CACNA1S: variants seen among roughly 807,000 people sequenced by gnomAD.
CACNA1S encodes voltage-dependent L-type calcium channel subunit alpha-1S.
In CACNA1S, 126 loss-of-function variants were observed where a neutral mutation model predicts 207.4. The observed-to-expected ratio is 0.61, with a 90% CI of 0.53 to 0.70. The LOEUF (loss-of-function observed/expected upper bound fraction) is 0.70. CACNA1S is among the 30% of genes least tolerant of loss of function. The pLI is 0.00. For missense variants in CACNA1S, 2,349 were observed against 2,422.8 expected, an observed-to-expected ratio of 0.97 and a Z score of 0.64; for synonymous variants, 960 against 932.7, an observed-to-expected ratio of 1.03 and a Z score of -0.53.
chr1:201,049,915 G>T (rs753352648), intron 34 of CACNA1S, among the ~76,000 whole-genome samples: 19 of 152,214 alleles, frequency 1.2e-4, no homozygotes, highest in Non-Finnish European at 2.4e-4. Context: ...ACCATCGGGA[G>T]ATGCCTATTT....
At chr1:201,101,947 G>A (rs80092188) in intron 2 of CACNA1S, among the ~76,000 whole-genome samples, 2,158 of 152,026 alleles carry the variant, frequency 0.014, 34 homozygotes, top group African/African-American at 0.039. Context: ...ATCAGCATAT[G>A]TTGAGATGAA....
At chr1:201,086,156 A>G (rs545287937) in intron 7 of CACNA1S, among the ~76,000 whole-genome samples, 4 of 152,240 alleles carry the variant, frequency 2.6e-5, no homozygotes, top group African/African-American at 9.6e-5. Context: ...GCACAGGGGT[A>G]GTCTCTGAGG....
In CACNA1S at chr1:201,089,448, A is replaced by G. The variant is rs1662153397; in HGVS notation, c.710T>C (p.Val237Ala). 2.5e-6 allele frequency: 4 copies of G among 1,613,844 alleles called. No homozygotes were observed. Among genetic ancestry groups the G allele is most frequent in the Non-Finnish European group, 3.4e-6 (4 of 1,180,008 alleles). Residue 237 changes from valine (V) to alanine (A), a missense_variant, in exon 6 of 44, where the codon GTG becomes GCG. Val to Ala is a moderately conservative substitution (Grantham distance 64). Transcript: ENST00000362061. ...YFIGTDIVATVENEEPSPCAR... is the reference protein window; with the variant it reads ...YFIGTDIVATAENEEPSPCAR... The stretch of plus-strand genomic sequence containing the variant: ...GCAGGGCGATGGCTCTTCATTCTCC[A>G]CCGTGGCCACGATATCTGGAGGCAG...
chr1:201,041,752 C>T (rs1660230045), intron 40 of CACNA1S, 163 bp from the exon 41 acceptor site: 1 of 690,458 alleles, frequency 1.4e-6, no homozygotes. Flanking sequence ...TGTGCCCCAG[C>T]CAGCCCTGAC....
intron 32 of CACNA1S, among the ~76,000 whole-genome samples, chr1:201,051,687 C>T (rs1326527448): frequency 6.6e-6 from 1 of 152,248 alleles, no homozygotes. Flanking sequence ...TAGATAACCT[C>T]CCTCCACCTC....
At chr1:201,095,911 AG>A (rs1018519767) in intron 2 of CACNA1S, among the ~76,000 whole-genome samples, 12 of 152,222 alleles carry the variant, frequency 7.9e-5, no homozygotes, top group African/African-American at 2.9e-4. Context: ...TCTGTAGGAC[AG>A]GTTTCCTGGG....
In CACNA1S at chr1:201,069,574, G is replaced by A; in HGVS notation, c.2388C>T (p.Val796=). The change falls in exon 18 of 44, where the codon GTC becomes GTT. Residue 796 remains valine, a synonymous_variant. Transcript: ENST00000362061. ...TGAAGTTGGTAAACCAGGTGGCATT[G>A]ACGATGCGGTGACACAGGACACGGA... The part of the protein sequence containing the change: ...NKIRVLCHRI[V]NATWFTNFIL... 6.4e-7 allele frequency: 1 copy of A among 1,562,670 alleles called. No individual in the cohort carries two copies. The highest frequency in any genetic ancestry group is 1.2e-5 in the South Asian group (1 of 84,864).
At chr1:201,052,749 A>C (rs917536132) in intron 31 of CACNA1S, 101 bp from the exon 32 acceptor site, 2 of 966,518 alleles carry the variant, frequency 2.1e-6, no homozygotes, top group Non-Finnish European at 1.7e-6. Context: ...CTTCGCCCCT[A>C]CTTCCCCAAA....
intron 2 of CACNA1S, among the ~76,000 whole-genome samples, chr1:201,107,802 C>T (rs1253461121): frequency 6.6e-6 from 1 of 152,170 alleles, no homozygotes; most frequent in Non-Finnish European, 1.5e-5. Flanking sequence ...GCTGAGCGAC[C>T]TTGGGTATCA....
At chr1:201,106,737 C>T (rs1055669825) in intron 2 of CACNA1S, among the ~76,000 whole-genome samples, 1 of 152,212 alleles carries the variant, frequency 6.6e-6, no homozygotes, top group African/African-American at 2.4e-5. Flanking sequence ...ATCCTGTGCC[C>T]TGGCCAGAGG....
chr1:201,086,320 A>G (rs1159874973), intron 7 of CACNA1S, among the ~76,000 whole-genome samples: 2 of 152,244 alleles, frequency 1.3e-5, no homozygotes, highest in South Asian at 4.1e-4. Flanking sequence ...ATAATGTGAA[A>G]TGCACAAAAT....
At chr1:201,050,729 CT>C (rs747225903) in intron 33 of CACNA1S, among the ~76,000 whole-genome samples, 8 of 151,998 alleles carry the variant, frequency 5.3e-5, no homozygotes, top group Non-Finnish European at 1.0e-4. Context: ...TGCTAAATTC[CT>C]TTTGATGAGT....
intron 18 of CACNA1S, 36 bp from the exon 19 acceptor site, chr1:201,069,232 A>T (rs1430669283): frequency 4.4e-6 from 7 of 1,591,866 alleles, no homozygotes; most frequent in Non-Finnish European, 5.2e-6. Context: ...AGCCAGTGAG[A>T]GGAGGAGGGG....
rs1451944290 is a variant in CACNA1S at position 201,044,421 on chromosome 1, G to A, written c.4704C>T (p.Pro1568=). The A allele has an allele frequency of 7.4e-6, 12 of 1,613,166 alleles. No homozygotes were observed. Among genetic ancestry groups the A allele is most frequent in the Admixed American group, 1.7e-5 (1 of 59,992 alleles). ...CTCCTGAGACCGTGCGACAGATCTC[G>A]GGGGCTGCCTCTTCCTCAATGGTCC... ...GLRTIEEEAA[P]EICRTVSGDL... is the part of the protein sequence containing the mutation. Residue 1568 remains proline (P), a synonymous_variant, in exon 39 of 44, where the codon CCC becomes CCT. Coordinates refer to ENST00000362061, the MANE Select transcript of CACNA1S (RefSeq NM_000069.3).
intron 22 of CACNA1S, among the ~76,000 whole-genome samples, chr1:201,064,919 G>A (rs950510368): frequency 2.6e-5 from 4 of 152,242 alleles, no homozygotes; most frequent in African/African-American, 7.2e-5. Flanking sequence ...CCAGGAAGAT[G>A]GGCTGCCGCA....
intron 13 of CACNA1S, 81 bp from the exon 14 acceptor site, chr1:201,074,701 G>A (rs1661544093): frequency 2.3e-6 from 2 of 855,972 alleles, no homozygotes; most frequent in Non-Finnish European, 3.8e-6. Flanking sequence ...CCTGCATGTG[G>A]GCAGGACCTA....
chr1:201,056,226 T>C (rs959460358), intron 28 of CACNA1S, among the ~76,000 whole-genome samples: 1 of 145,732 alleles, frequency 6.9e-6, no homozygotes, highest in African/African-American at 2.5e-5. Flanking sequence ...GTTCCCACCC[T>C]GGCCCTCCCC....
intron 28 of CACNA1S, 71 bp downstream of exon 28, chr1:201,058,337 A>G (rs995001252): frequency 3.0e-6 from 4 of 1,350,848 alleles, no homozygotes; most frequent in Non-Finnish European, 4.3e-6. Context: ...TGGGCACCCC[A>G]CAAATATCTG....
rs372326950 is a variant in CACNA1S at position 201,075,453 on chromosome 1, C to T, written c.1948+42G>A. On this transcript the variant is annotated intron_variant, in intron 13 of 43. Coordinates refer to ENST00000362061, the MANE Select transcript of CACNA1S (RefSeq NM_000069.3). ...CCATTTTAAGCCCTTTCCCCCACCC[C>T]CTCCCTAAGCTCTTTTCTGCACCCT... The T allele has an allele frequency of 9.4e-6, 15 of 1,591,114 alleles. No homozygotes were observed. The African/African-American group carries it at 1.2e-4, about 13-fold the overall frequency.
Sources: gnomAD v4.1 joint callset for allele counts (sites outside exome capture counted in the v4.1 genomes callset) on GRCh38, gnomAD v4.1.1 for gene constraint, MANE v1.5 for transcripts, NCBI Gene and HGNC (gene_info 2026-07-23, HGNC 2026-07-21) for gene names.